Variants in KIF11 observed in about 807,000 individuals in gnomAD.
KIF11 encodes the protein kinesin-like protein KIF11.
In KIF11, 9 loss-of-function variants were observed where a neutral mutation model predicts 121.0. That is an observed-to-expected ratio of 0.07 (90% CI 0.04 to 0.13). KIF11 has a LOEUF of 0.13. KIF11 is among the 10% of genes least tolerant of loss of function. The pLI, the probability that KIF11 is intolerant of heterozygous loss-of-function variation, is 1.00. For missense variants in KIF11, 846 were observed against 1,217.5 expected, an observed-to-expected ratio of 0.69 and a Z score of 4.54; for synonymous variants, 408 against 421.0, an observed-to-expected ratio of 0.97 and a Z score of 0.38.
intron 14 of KIF11, 58 bp downstream of exon 14, chr10:92,633,853 A>G: frequency 8.7e-7 from 1 of 1,149,160 alleles, no homozygotes; most frequent in Non-Finnish European, 1.3e-6. Context: ...ATTTGATAAA[A>G]TATTTTGAAG....
intron 16 of KIF11, among the ~76,000 whole-genome samples, chr10:92,638,922 C>T (rs561824902): frequency 6.6e-6 from 1 of 152,172 alleles, no homozygotes; most frequent in Non-Finnish European, 1.5e-5. Flanking sequence ...ATTTTCAGCT[C>T]TTCTTTGGTC....
At chr10:92,634,648 A>G (rs1844778765) in intron 14 of KIF11, among the ~76,000 whole-genome samples, 1 of 152,208 alleles carries the variant, frequency 6.6e-6, no homozygotes, top group Admixed American at 6.5e-5. Context: ...TTTCAAATGT[A>G]TGGAACTAAC....
intron 20 of KIF11, among the ~76,000 whole-genome samples, 159 bp from the exon 21 acceptor site, chr10:92,650,242 A>G (rs1341469763): frequency 6.6e-6 from 1 of 152,252 alleles, no homozygotes; most frequent in East Asian, 1.9e-4. Context: ...AAAATATATT[A>G]GGAATTATTT....
chr10:92,652,662 C>T (rs887443356), intron 21 of KIF11, among the ~76,000 whole-genome samples: 6 of 152,128 alleles, frequency 3.9e-5, no homozygotes, highest in Non-Finnish European at 7.4e-5. Context: ...TTTCTTCTAT[C>T]TTATAAAGTT....
intron 11 of KIF11, among the ~76,000 whole-genome samples, chr10:92,629,291 T>G (rs1844710255): frequency 6.6e-6 from 1 of 151,896 alleles, no homozygotes; most frequent in Admixed American, 6.6e-5. Context: ...TCCTTCAGAT[T>G]TTTTTGGAAA....
At chr10:92,618,693 A>G (rs757745551) in intron 9 of KIF11, among the ~76,000 whole-genome samples, 7 of 151,792 alleles carry the variant, frequency 4.6e-5, no homozygotes, top group Non-Finnish European at 1.0e-4. Context: ...TCCTTTGTAC[A>G]TTTTGTTGAA....
At chr10:92,601,579 G>GTGGGCAT (rs1162557404) in intron 1 of KIF11, among the ~76,000 whole-genome samples, 1 of 150,964 alleles carries the variant, frequency 6.6e-6, no homozygotes, top group Non-Finnish European at 1.5e-5. Flanking sequence ...AGTGGCAAAA[G>GTGGGCAT]TGGGCATTGG....
rs778431479 is a variant in KIF11, at chr10:92,645,374, A to T, written c.2279A>T (p.Asp760Val). ...CTCTTTTCCTATAGGAAATCTAAGG[A>T]TATAGTCAACAAAATGACTTTTCAC... Reference protein sequence around the residue: ...VQENIQQKSKDIVNKMTFHSQ... With the variant: ...VQENIQQKSKVIVNKMTFHSQ... Residue 760 changes from aspartate (D) to valine (V), a missense_variant, in exon 18 of 22, where the codon GAT becomes GTT. Around this residue, in one of 5 missense-constraint regions of KIF11, gnomAD observed 492 missense variants for 603.4 expected, o/e 0.82. Coordinates refer to ENST00000260731, the MANE Select transcript of KIF11 (RefSeq NM_004523.4). 3 of 1,608,808 alleles carry T rather than the reference A, an allele frequency of 1.9e-6. No individual in the cohort carries two copies. The highest frequency in any genetic ancestry group is 2.6e-6 in the Non-Finnish European group (3 of 1,176,216).
At chr10:92,615,355 G>A (rs1014750233) in intron 8 of KIF11, among the ~76,000 whole-genome samples, 4 of 151,946 alleles carry the variant, frequency 2.6e-5, no homozygotes, top group South Asian at 4.2e-4. Context: ...GTAGTGAGCC[G>A]AGATTGCGCC....
chr10:92,597,096 A>G, intron 1 of KIF11: 1 of 325,922 alleles, frequency 3.1e-6, no homozygotes, highest in South Asian at 3.1e-5. Flanking sequence ...CTGCATCTTT[A>G]GACCTTTCTT....
chr10:92,609,845 T>A (rs1589592235), intron 6 of KIF11, among the ~76,000 whole-genome samples: 1 of 152,138 alleles, frequency 6.6e-6, no homozygotes, highest in African/African-American at 2.4e-5. Context: ...GAAGCAATTC[T>A]CCTGCCTCAG....
intron 11 of KIF11, 24 bp from the exon 12 acceptor site, chr10:92,630,152 C>T (rs532661076): frequency 3.9e-5 from 48 of 1,232,018 alleles, no homozygotes; most frequent in South Asian, 6.7e-5. Context: ...GCCAGCTCAG[C>T]GTTTTTTAAA....
intron 1 of KIF11, among the ~76,000 whole-genome samples, chr10:92,594,720 C>T (rs1260532403): frequency 1.3e-5 from 2 of 152,142 alleles, no homozygotes; most frequent in South Asian, 4.1e-4. Context: ...CTCTCCATCC[C>T]TTTTCCTCCA....
Position 92,632,659 on chromosome 10 carries a change from A to G in KIF11, c.1668A>G (p.Gln556=), listed in dbSNP as rs755789074. ...TAATTAAGGATGGCAGCTCAAAGCA[A>G]AAGGCCATGCTAGAAGTACATAAGA... ...EELIKDGSSK[Q]KAMLEVHKTL... is the part of the protein sequence containing the mutation. The change falls in exon 13 of 22, where the codon CAA becomes CAG. Residue 556 remains glutamine (Q), a synonymous_variant. Coordinates refer to ENST00000260731, the MANE Select transcript of KIF11 (RefSeq NM_004523.4). The G allele has an allele frequency of 6.2e-7, 1 of 1,612,658 alleles. No homozygotes were observed. Among genetic ancestry groups the G allele is most frequent in the Non-Finnish European group, 8.5e-7 (1 of 1,179,322 alleles).
In KIF11 at chr10:92,645,388, A is replaced by G. The variant is rs1844907705; in HGVS notation, c.2293A>G (p.Met765Val). The G allele has an allele frequency of 6.2e-7, 1 of 1,611,584 alleles. No individual in the cohort carries two copies. The highest frequency in any genetic ancestry group is 8.5e-7 in the Non-Finnish European group (1 of 1,178,362). Residue 765 changes from methionine (M) to valine (V), a missense_variant, in exon 18 of 22, where the codon ATG (methionine) becomes GTG (valine). Physicochemically the swap from Met to Val is conservative, Grantham distance 21. Coordinates refer to ENST00000260731, the MANE Select transcript of KIF11 (RefSeq NM_004523.4). Reference protein sequence around the residue: ...QQKSKDIVNKMTFHSQKFCAD... With the variant: ...QQKSKDIVNKVTFHSQKFCAD... The stretch of plus-strand genomic sequence containing the variant: ...GAAATCTAAGGATATAGTCAACAAA[A>G]TGACTTTTCACAGTCAAAAATTTTG...
intron 17 of KIF11, among the ~76,000 whole-genome samples, chr10:92,640,391 A>AG (rs1158701182): frequency 6.6e-6 from 1 of 152,192 alleles, no homozygotes; most frequent in Non-Finnish European, 1.5e-5. Flanking sequence ...TGGCTTTTCA[A>AG]GAAAAAGTTT....
At chr10:92,607,091 C>A in intron 3 of KIF11, 68 bp from the exon 4 acceptor site, 1 of 938,060 alleles carries the variant, frequency 1.1e-6, no homozygotes, top group Non-Finnish European at 1.7e-6. Context: ...TTTTGTTTTT[C>A]TAGTCTATCA....
intron 1 of KIF11, among the ~76,000 whole-genome samples, chr10:92,597,755 C>T (rs1844316247): frequency 6.6e-6 from 1 of 151,560 alleles, no homozygotes; most frequent in Non-Finnish European, 1.5e-5. Context: ...GGGTTCAAGC[C>T]ATTTTCCTGC....
chr10:92,653,815 AT>A lies in KIF11; in HGVS notation c.*23del. 1 of 1,591,148 alleles carries A rather than the reference AT, an allele frequency of 6.3e-7. No homozygotes were observed. Among genetic ancestry groups the A allele is most frequent in the East Asian group, 2.2e-5 (1 of 44,788 alleles). On this transcript the variant is annotated 3_prime_UTR_variant, in exon 22 of 22. Coordinates refer to ENST00000260731, the MANE Select transcript of KIF11 (RefSeq NM_004523.4). Reference sequence around the variant, plus strand: ...CCTTTAATTCACTTGGGGGTTGGCAATTTTATTTTTAAAGAAAACTTAAAAA... The same window carrying A: ...CCTTTAATTCACTTGGGGGTTGGCAATTTATTTTTAAAGAAAACTTAAAAA...
Sources: allele counts gnomAD v4.1 joint callset (sites outside exome capture counted in the v4.1 genomes callset), GRCh38; gene constraint gnomAD v4.1.1; regional missense constraint gnomAD v4.1.1; transcripts MANE v1.5; gene names NCBI Gene and HGNC (gene_info 2026-07-23, HGNC 2026-07-21).